Variants in DLG2 observed in about 807,000 individuals in gnomAD.
DLG2 encodes the protein disks large homolog 2.
Under a neutral mutation model 132.5 loss-of-function variants are expected in DLG2, and 45 were observed. The ratio of observed to expected loss-of-function variants is 0.34; its 90% CI spans 0.27 to 0.44. The LOEUF is 0.44. Ranked by LOEUF, DLG2 falls within the 20% of genes least tolerant of loss-of-function variation. The pLI is 1.00. For synonymous variants in DLG2, 424 were observed against 419.6 expected (o/e 1.01, Z -0.13); for missense variants, 1,045 against 1,196.9 (o/e 0.87, Z 1.87).
chr11:84,362,673 C>T (rs2098656620), intron 7 of DLG2, among the ~76,000 whole-genome samples: 1 of 152,018 alleles, frequency 6.6e-6, no homozygotes, highest in African/African-American at 2.4e-5. Flanking sequence ...CCCCACCTCA[C>T]AACAGTCCCC....
chr11:85,458,817 T>C (rs987252236), intron 3 of DLG2, among the ~76,000 whole-genome samples: 3 of 152,212 alleles, frequency 2.0e-5, no homozygotes, highest in Non-Finnish European at 2.9e-5. Context: ...ATGCTTCTTC[T>C]CAGTGCTTTG....
chr11:85,433,310 A>G (rs1208785256), intron 3 of DLG2, among the ~76,000 whole-genome samples: 1 of 152,234 alleles, frequency 6.6e-6, no homozygotes, highest in African/African-American at 2.4e-5. Context: ...AAATTCACAT[A>G]TAACAACATT....
At chr11:83,884,439 G>A (rs559581689) in intron 15 of DLG2, among the ~76,000 whole-genome samples, 205 of 152,290 alleles carry the variant, frequency 1.3e-3, no homozygotes, top group South Asian at 5.6e-3. Flanking sequence ...CAAAGCAGCT[G>A]GGAAACTGGA....
chr11:85,226,941 C>G (rs1460459346), intron 4 of DLG2, among the ~76,000 whole-genome samples: 1 of 152,078 alleles, frequency 6.6e-6, no homozygotes, highest in Non-Finnish European at 1.5e-5. Flanking sequence ...GAGTTAAAGT[C>G]TTTGGTGAAG....
At chr11:83,549,578 A>C (rs7928931) in intron 19 of DLG2, among the ~76,000 whole-genome samples, 45,314 of 152,182 alleles carry the variant, frequency 0.3, 7,377 homozygotes, top group South Asian at 0.42. Context: ...TGTTTTTACA[A>C]ATGTGACATA....
At chr11:84,696,680 C>G (rs1327004499) in intron 6 of DLG2, among the ~76,000 whole-genome samples, 2 of 151,304 alleles carry the variant, frequency 1.3e-5, no homozygotes, top group Non-Finnish European at 3.0e-5. Flanking sequence ...TTTGTTATGT[C>G]TACCATGTAG....
Position 85,472,697 on chromosome 11 carries a change from C to T in DLG2, c.40+125960G>A, listed in dbSNP as rs375542977. Among the ~76,000 whole-genome samples the T allele has an allele frequency of 1.9e-3, 283 of 152,344 alleles. 1 individual carries two copies. The highest frequency in any genetic ancestry group is 5.7e-3 in the African/African-American group (239 of 41,570). ...AAATGTGGGAAAAGAATCTGGGACC[C>T]GCCAAAAGGCAGGTGCCAAAGGAGC... is the stretch of plus-strand genomic sequence containing the variant. On this transcript the variant is annotated intron_variant, in intron 3 of 27. Transcript: ENST00000376104.
At chr11:84,576,917 C>T (rs1023911730) in intron 6 of DLG2, among the ~76,000 whole-genome samples, 1 of 152,080 alleles carries the variant, frequency 6.6e-6, no homozygotes, top group African/African-American at 2.4e-5. Context: ...GGCTGTGTCT[C>T]CATCCAAATC....
At chr11:83,667,975 C>CAAAAAAAAA (rs10688898) in intron 18 of DLG2, among the ~76,000 whole-genome samples, 5 of 39,582 alleles carry the variant, frequency 1.3e-4, no homozygotes, top group Non-Finnish European at 2.0e-4. Context: ...GACTCCGTCT[C>CAAAAAAAAA]AAAAAAAAAA....
At chr11:83,479,500 C>T (rs922685881) in intron 22 of DLG2, among the ~76,000 whole-genome samples, 2 of 152,062 alleles carry the variant, frequency 1.3e-5, no homozygotes, top group African/African-American at 4.8e-5. Context: ...TTTTGGGTAA[C>T]CCATTTCACT....
At chr11:84,885,523 T>C (rs912968857) in intron 6 of DLG2, among the ~76,000 whole-genome samples, 4 of 152,074 alleles carry the variant, frequency 2.6e-5, no homozygotes, top group African/African-American at 9.7e-5. Context: ...TGTAATGTTT[T>C]ATAGTATGGA....
intron 15 of DLG2, among the ~76,000 whole-genome samples, chr11:83,921,469 G>A (rs368555187): frequency 6.6e-6 from 1 of 152,100 alleles, no homozygotes; most frequent in African/African-American, 2.4e-5. Flanking sequence ...CATAGCTACC[G>A]CATAAGTCAT....
intron 7 of DLG2, among the ~76,000 whole-genome samples, chr11:84,478,224 C>T (rs1428317677): frequency 6.6e-6 from 1 of 152,090 alleles, no homozygotes; most frequent in East Asian, 1.9e-4. Flanking sequence ...AGCTTAATAG[C>T]AATGCCTGTT....
At chr11:83,941,851 T>C (rs1238565929) in intron 14 of DLG2, among the ~76,000 whole-genome samples, 3 of 152,232 alleles carry the variant, frequency 2.0e-5, no homozygotes, top group African/African-American at 7.2e-5. Context: ...GCTCATATTA[T>C]ACATATTATG....
At chr11:85,313,650 A>G (rs887570468) in intron 3 of DLG2, among the ~76,000 whole-genome samples, 2 of 152,212 alleles carry the variant, frequency 1.3e-5, no homozygotes. Context: ...ATGCCATTAC[A>G]TAACTAATAT....
At chr11:85,254,403 A>G (rs2076557963) in intron 4 of DLG2, among the ~76,000 whole-genome samples, 1 of 152,178 alleles carries the variant, frequency 6.6e-6, no homozygotes, top group South Asian at 2.1e-4. Context: ...TATTGGACAG[A>G]CTTGTCTGAA....
intron 3 of DLG2, among the ~76,000 whole-genome samples, chr11:85,305,648 G>T (rs1004613439): frequency 6.6e-6 from 1 of 152,094 alleles, no homozygotes; most frequent in Admixed American, 6.5e-5. Flanking sequence ...GAGTAGCTGG[G>T]ACTACAGGTG....
intron 6 of DLG2, among the ~76,000 whole-genome samples, chr11:85,084,907 T>G (rs2067712456): frequency 1.3e-5 from 2 of 152,144 alleles, no homozygotes; most frequent in African/African-American, 4.8e-5. Flanking sequence ...GGTATAAATT[T>G]TGAATGTCGA....
intron 6 of DLG2, among the ~76,000 whole-genome samples, chr11:84,761,139 C>T (rs1484767440): frequency 6.6e-6 from 1 of 152,190 alleles, no homozygotes; most frequent in Non-Finnish European, 1.5e-5. Context: ...AGCTTGGTAA[C>T]ACTGGGGTTG....
Sources: allele counts gnomAD v4.1 joint callset (sites outside exome capture counted in the v4.1 genomes callset), GRCh38; gene constraint gnomAD v4.1.1; transcripts MANE v1.5; gene names NCBI Gene and HGNC (gene_info 2026-07-23, HGNC 2026-07-21).